The following CD82 variants were observed in gnomAD, a reference collection of about 807,000 sequenced individuals.
The protein encoded by CD82 is CD82 antigen.
CD82 carries 36 observed loss-of-function variants against 37.4 expected under a neutral mutation model. The ratio of observed to expected loss-of-function variants is 0.96; its 90% confidence interval spans 0.74 to 1.27. The LOEUF (loss-of-function observed/expected upper bound fraction) is 1.27. Ranked by LOEUF, CD82 falls within the 50% of genes most tolerant of loss-of-function variation. The probability of loss-of-function intolerance (pLI) is 0.00; values close to 1 mark genes in which losing one functional copy is unlikely to be tolerated. For synonymous variants in CD82, 158 were observed against 137.4 expected, an observed-to-expected ratio of 1.15 and a Z score of -1.05; for missense variants, 340 against 347.0, an observed-to-expected ratio of 0.98 and a Z score of 0.16.
At chr11:44,600,286 GC>G in intron 4 of CD82, 56 bp downstream of exon 4, 3 of 1,523,580 alleles carry the variant, frequency 2.0e-6, no homozygotes, top group Non-Finnish European at 2.7e-6. Flanking sequence ...GAGGGCCAGG[GC>G]GCAGATACAG....
chr11:44,610,634 G>A (rs778411547), intron 6 of CD82, among the ~76,000 whole-genome samples: 1 of 151,970 alleles, frequency 6.6e-6, no homozygotes, highest in African/African-American at 2.4e-5. Context: ...CCGGGTCCCT[G>A]GAGCTGCACA....
intron 1 of CD82, among the ~76,000 whole-genome samples, chr11:44,577,208 G>T (rs1253052303): frequency 6.6e-6 from 1 of 152,192 alleles, no homozygotes; most frequent in African/African-American, 2.4e-5. Context: ...TTCAGCCCAG[G>T]TTTTCCTCCC....
intron 2 of CD82, among the ~76,000 whole-genome samples, chr11:44,593,994 TACACAC>T (rs10532667): frequency 8.6e-5 from 13 of 150,960 alleles, no homozygotes; most frequent in South Asian, 2.1e-4. Context: ...CCATTTGTTA[TACACAC>T]ACACACACAC....
At chr11:44,616,273 G>A (rs565014718) in intron 7 of CD82, among the ~76,000 whole-genome samples, 11 of 152,172 alleles carry the variant, frequency 7.2e-5, no homozygotes, top group Non-Finnish European at 1.3e-4. Context: ...AGGGGAGAGC[G>A]ATGTTTTCTG....
chr11:44,595,610 A>G (rs1031996903), intron 3 of CD82, among the ~76,000 whole-genome samples: 1 of 152,200 alleles, frequency 6.6e-6, no homozygotes, highest in Non-Finnish European at 1.5e-5. Context: ...AAATACCTCA[A>G]TGTTAATGTT....
At chr11:44,615,901 G>A (rs1487147558) in intron 7 of CD82, among the ~76,000 whole-genome samples, 3 of 152,214 alleles carry the variant, frequency 2.0e-5, no homozygotes, top group Admixed American at 6.5e-5. Flanking sequence ...CCATTAAAGT[G>A]AGAGAGATGG....
rs1373833269 is a variant in CD82 at position 44,597,657 on chromosome 11, G to A, written c.64-2501G>A. Among the ~76,000 whole-genome samples the A allele has an allele frequency of 1.3e-5, 2 of 152,172 alleles. No individual in the cohort carries two copies. The highest frequency in any genetic ancestry group is 2.9e-5 in the Non-Finnish European group (2 of 68,012). ...ACTTGGGATTATGTGTGCCAAGAGG[G>A]GATTTTCTGTCCTGCCTCCCATTCC... On this transcript the variant is annotated intron_variant, in intron 3 of 9. Coordinates refer to ENST00000227155, the MANE Select transcript of CD82 (RefSeq NM_002231.4). This position sits in a 1 kb window ranked among gnomAD's most constrained non-coding sequence, Gnocchi z 4.1.
intron 6 of CD82, among the ~76,000 whole-genome samples, chr11:44,607,463 A>G (rs942613123): frequency 2.6e-5 from 4 of 152,170 alleles, no homozygotes; most frequent in Non-Finnish European, 5.9e-5. Flanking sequence ...GGACCTAGTT[A>G]GTGATATAAT....
At chr11:44,582,233 A>G (rs1852990548) in intron 1 of CD82, among the ~76,000 whole-genome samples, 1 of 152,104 alleles carries the variant, frequency 6.6e-6, no homozygotes, top group Non-Finnish European at 1.5e-5. Context: ...CAACACTCCC[A>G]TTGTGGATGC....
chr11:44,601,332 C>T (rs564492222), intron 4 of CD82, among the ~76,000 whole-genome samples: 44 of 150,132 alleles, frequency 2.9e-4, no homozygotes, highest in African/African-American at 1.0e-3. Context: ...AGATGGAAAG[C>T]AAGGATGATC....
chr11:44,593,936 A>C (rs1220450880), intron 2 of CD82, among the ~76,000 whole-genome samples: 2 of 152,166 alleles, frequency 1.3e-5, no homozygotes, highest in African/African-American at 2.4e-5. Context: ...AGAATGAAAA[A>C]AACAGGCTAG....
intron 1 of CD82, among the ~76,000 whole-genome samples, chr11:44,580,580 G>A (rs947736292): frequency 6.6e-6 from 1 of 152,188 alleles, no homozygotes; most frequent in Non-Finnish European, 1.5e-5. Context: ...AGACGTGGTG[G>A]TGTGTGCCTG....
At chr11:44,578,500 G>T (rs1852932849) in intron 1 of CD82, among the ~76,000 whole-genome samples, 1 of 152,188 alleles carries the variant, frequency 6.6e-6, no homozygotes, top group Non-Finnish European at 1.5e-5. Flanking sequence ...ATGTGGCCCA[G>T]GGCCTTCTCA....
At chr11:44,568,521 CG>C (rs1011018480) in intron 1 of CD82, among the ~76,000 whole-genome samples, 2 of 127,184 alleles carry the variant, frequency 1.6e-5, no homozygotes, top group African/African-American at 6.2e-5. Context: ...GTTTGGGGGT[CG>C]GGGGCGGGAT....
At chr11:44,595,217 C>T (rs536648945) in intron 3 of CD82, among the ~76,000 whole-genome samples, 2 of 151,964 alleles carry the variant, frequency 1.3e-5, no homozygotes, top group Non-Finnish European at 2.9e-5. Flanking sequence ...GGGCGCCAGG[C>T]GTGGGGCCAG....
intron 6 of CD82, among the ~76,000 whole-genome samples, chr11:44,608,800 C>A (rs944304342): frequency 6.6e-6 from 1 of 152,240 alleles, no homozygotes; most frequent in Non-Finnish European, 1.5e-5. Context: ...CCCCAGCCCC[C>A]ACTAGTGGGT....
At chr11:44,614,982 G>T (rs138885879) in intron 6 of CD82, among the ~76,000 whole-genome samples, 1 of 152,176 alleles carries the variant, frequency 6.6e-6, no homozygotes, top group Non-Finnish European at 1.5e-5. Flanking sequence ...GGACAATGAC[G>T]GTGGGAACTG....
At chr11:44,613,631 C>T (rs930784629) in intron 6 of CD82, among the ~76,000 whole-genome samples, 3 of 152,056 alleles carry the variant, frequency 2.0e-5, no homozygotes, top group Admixed American at 1.3e-4. Flanking sequence ...GAGACCAGCC[C>T]GGGCAACATG....
chr11:44,617,691 A>C (rs533714519), intron 7 of CD82, among the ~76,000 whole-genome samples: 6 of 152,212 alleles, frequency 3.9e-5, no homozygotes, highest in African/African-American at 1.2e-4. Flanking sequence ...GCCTTTCCTA[A>C]GCTTATTGTG....
Sources: gnomAD v4.1 joint callset for allele counts (sites outside exome capture counted in the v4.1 genomes callset) on GRCh38, gnomAD v4.1.1 for gene constraint, Gnocchi (gnomAD v3.1) non-coding constraint, MANE v1.5 for transcripts, NCBI Gene and HGNC (gene_info 2026-07-23, HGNC 2026-07-21) for gene names.